TCF7L2: variants seen among roughly 807,000 people sequenced by gnomAD.
The protein encoded by TCF7L2 is transcription factor 7-like 2.
TCF7L2 carries 23 observed loss-of-function variants against 77.9 expected under a neutral mutation model. The ratio of observed to expected loss-of-function variants is 0.30; its 90% confidence interval spans 0.21 to 0.42. The LOEUF is 0.42. Among genes scored for constraint, TCF7L2 ranks in the 10% least tolerant of loss-of-function variants. The pLI, the probability that TCF7L2 is intolerant of heterozygous loss-of-function variation, is 1.00. For missense variants in TCF7L2, 654 were observed against 793.1 expected (o/e 0.82, Z 2.11); for synonymous variants, 413 against 340.2 (o/e 1.21, Z -2.36).
rs185846389 is a variant in TCF7L2, at chr10:112,968,608, T to A, written c.450+3984T>A. 5.3e-4 allele frequency among the ~76,000 whole-genome samples: 80 copies of A among 152,278 alleles called. 2 individuals carry two copies. In the East Asian group the frequency reaches 0.014, roughly 27 times the overall value. ...TTTTCATTTTTTTTGAAACGGATTCTCATTCTGTCGCCCAGGCTGGAGTGC... is the reference window on the plus strand; with the variant it reads ...TTTTCATTTTTTTTGAAACGGATTCACATTCTGTCGCCCAGGCTGGAGTGC... On this transcript the variant is annotated intron_variant, in intron 4 of 13. Coordinates refer to ENST00000627217, the MANE Select transcript of TCF7L2 (RefSeq NM_001146274.2).
At chr10:113,070,679 C>T (rs2057884878) in intron 5 of TCF7L2, among the ~76,000 whole-genome samples, 1 of 152,180 alleles carries the variant, frequency 6.6e-6, no homozygotes, top group Non-Finnish European at 1.5e-5. Context: ...TGCTAAGGGT[C>T]TTCCAGATGA....
chr10:113,013,740 C>T lies in TCF7L2; in HGVS notation c.451-26285C>T, dbSNP rs1330344964. On this transcript the variant is annotated intron_variant, in intron 4 of 13. Transcript: ENST00000627217. ...AGTTGGAGCTTAGTCCCCACTTTCTCCTGATCTGAGGTCTACGGACCACTG... is the reference window on the plus strand; with the variant it reads ...AGTTGGAGCTTAGTCCCCACTTTCTTCTGATCTGAGGTCTACGGACCACTG... 2.0e-5 allele frequency among the ~76,000 whole-genome samples: 3 copies of T among 152,244 alleles called. No homozygotes were observed. In the East Asian group the frequency reaches 5.8e-4, roughly 29 times the overall value.
intron 4 of TCF7L2, 115 bp downstream of exon 4, chr10:112,964,739 A>ATGATGATGATGGTGG (rs1227924366): frequency 3.5e-6 from 2 of 577,468 alleles, no homozygotes; most frequent in Middle Eastern, 3.5e-4. Context: ...GATGATGATG[A>ATGATGATGATGGTGG]TGGTGGTGGT....
At chr10:113,030,933 C>T (rs569559256) in intron 4 of TCF7L2, among the ~76,000 whole-genome samples, 7 of 152,304 alleles carry the variant, frequency 4.6e-5, no homozygotes, top group African/African-American at 1.4e-4. Flanking sequence ...ACAAGACTGT[C>T]TCAGAGGCCA....
chr10:113,046,683 A>G (rs756044642), intron 5 of TCF7L2, among the ~76,000 whole-genome samples: 34 of 152,298 alleles, frequency 2.2e-4, no homozygotes, highest in Middle Eastern at 3.4e-3. Context: ...CTAATTTTGT[A>G]TTTAAAAGTT....
chr10:112,990,687 C>T (rs1487260666), intron 4 of TCF7L2, among the ~76,000 whole-genome samples: 1 of 151,978 alleles, frequency 6.6e-6, no homozygotes, highest in Non-Finnish European at 1.5e-5. Flanking sequence ...GCCTGGATGA[C>T]TGAGTGGGAC....
At chr10:113,002,837 G>A (rs2044737430) in intron 4 of TCF7L2, among the ~76,000 whole-genome samples, 1 of 152,164 alleles carries the variant, frequency 6.6e-6, no homozygotes, top group South Asian at 2.1e-4. Flanking sequence ...TCTTGGAGGA[G>A]GATGTGTTGA....
chr10:113,146,324 A>G (rs1362080768), intron 8 of TCF7L2, among the ~76,000 whole-genome samples: 3 of 152,220 alleles, frequency 2.0e-5, no homozygotes, highest in Admixed American at 6.5e-5. Flanking sequence ...CAGTTGAACA[A>G]TGTATTTTAA....
intron 11 of TCF7L2, among the ~76,000 whole-genome samples, chr10:113,155,955 A>G (rs1415984051): frequency 6.6e-6 from 1 of 152,186 alleles, no homozygotes; most frequent in East Asian, 1.9e-4. Context: ...AGAAGGCCAA[A>G]ACAAAGCTCC....
At chr10:113,161,794 T>C (rs935155419) in intron 13 of TCF7L2, among the ~76,000 whole-genome samples, 4 of 152,062 alleles carry the variant, frequency 2.6e-5, no homozygotes, top group South Asian at 4.1e-4. Flanking sequence ...GAGAGATCGG[T>C]GAAGTGCCTC....
At chr10:113,145,376 A>T (rs981317833) in intron 7 of TCF7L2, among the ~76,000 whole-genome samples, 32 of 152,178 alleles carry the variant, frequency 2.1e-4, no homozygotes, top group Non-Finnish European at 5.9e-5. Context: ...ACCCTCTGTC[A>T]GAAAAAGTTG....
At chr10:113,035,880 G>A (rs2051101486) in intron 4 of TCF7L2, among the ~76,000 whole-genome samples, 1 of 152,184 alleles carries the variant, frequency 6.6e-6, no homozygotes, top group African/African-American at 2.4e-5. Flanking sequence ...GAGTCGAGTA[G>A]TTATGACAGA....
intron 4 of TCF7L2, among the ~76,000 whole-genome samples, chr10:113,014,626 A>G (rs2047033423): frequency 6.6e-6 from 1 of 152,050 alleles, no homozygotes; most frequent in Non-Finnish European, 1.5e-5. Flanking sequence ...CTCTACTAAA[A>G]ATACATAAAT....
intron 4 of TCF7L2, among the ~76,000 whole-genome samples, chr10:112,989,394 TTA>T (rs1376122341): frequency 7.9e-5 from 12 of 151,978 alleles, no homozygotes; most frequent in African/African-American, 2.7e-4. Context: ...CCAAAACACT[TTA>T]TAAAGTTACA....
At chr10:113,110,155 A>AT (rs2062937128) in intron 5 of TCF7L2, among the ~76,000 whole-genome samples, 1 of 152,102 alleles carries the variant, frequency 6.6e-6, no homozygotes, top group African/African-American at 2.4e-5. Context: ...AGAGAAATCA[A>AT]TTTTTTTCCT....
At chr10:113,030,998 C>G (rs2050111495) in intron 4 of TCF7L2, among the ~76,000 whole-genome samples, 1 of 152,154 alleles carries the variant, frequency 6.6e-6, no homozygotes, top group Admixed American at 6.5e-5. Flanking sequence ...GGGTCTTTGC[C>G]CTCCCCTGGA....
intron 4 of TCF7L2, among the ~76,000 whole-genome samples, chr10:113,007,680 C>T (rs915414539): frequency 6.6e-6 from 1 of 152,208 alleles, no homozygotes; most frequent in South Asian, 2.1e-4. Flanking sequence ...TGAATTCAGG[C>T]TGTAGTCAGA....
intron 4 of TCF7L2, among the ~76,000 whole-genome samples, chr10:113,024,488 T>C (rs1027591259): frequency 3.9e-5 from 6 of 152,174 alleles, no homozygotes; most frequent in African/African-American, 1.2e-4. Flanking sequence ...TCCAAAATGC[T>C]TGGGGCTGAA....
chr10:113,004,923 C>T (rs2045257819), intron 4 of TCF7L2, among the ~76,000 whole-genome samples: 2 of 152,174 alleles, frequency 1.3e-5, no homozygotes, highest in South Asian at 2.1e-4. Context: ...ATCCGCCCGC[C>T]TCGGCCTCCC....
Sources: gnomAD v4.1 joint callset for allele counts (sites outside exome capture counted in the v4.1 genomes callset) on GRCh38, gnomAD v4.1.1 for gene constraint, MANE v1.5 for transcripts, NCBI Gene and HGNC (gene_info 2026-07-23, HGNC 2026-07-21) for gene names.